Variants in GRIN2A observed in about 807,000 individuals in gnomAD.
GRIN2A encodes glutamate receptor ionotropic, NMDA 2A.
In GRIN2A, 22 loss-of-function variants were observed where a neutral mutation model predicts 113.4. The observed-to-expected ratio is 0.19, with a 90% CI of 0.14 to 0.28. The LOEUF is 0.28. Among genes scored for constraint, GRIN2A ranks in the 10% least tolerant of loss-of-function variants. The probability of loss-of-function intolerance (pLI) is 1.00; values close to 1 mark genes in which losing one functional copy is unlikely to be tolerated. For missense variants in GRIN2A, 1,502 were observed against 1,887.0 expected (o/e 0.80, Z 3.78); for synonymous variants, 827 against 738.4 (o/e 1.12, Z -1.94).
chr16:10,132,562 C>T (rs1250691031), intron 2 of GRIN2A, among the ~76,000 whole-genome samples: 1 of 152,174 alleles, frequency 6.6e-6, no homozygotes, highest in Non-Finnish European at 1.5e-5. Flanking sequence ...TGACATTTAT[C>T]ATGCAAGAGC....
chr16:9,834,219 C>A lies in GRIN2A; in HGVS notation c.1663G>T (p.Ala555Ser), dbSNP rs2042547937. 6.2e-7 allele frequency: 1 copy of A among 1,613,852 alleles called. No homozygotes were observed. The highest frequency in any genetic ancestry group is 8.5e-7 in the Non-Finnish European group (1 of 1,179,824). ...SPSAFLEPFSASVWVMMFVML... is the reference protein window; with the variant it reads ...SPSAFLEPFSSSVWVMMFVML... ...ACAAACATCATCACCCAGACAGAGGCGCTGAATGGTTCTGCAAATAAACAG... is the reference window on the plus strand; with the variant it reads ...ACAAACATCATCACCCAGACAGAGGAGCTGAATGGTTCTGCAAATAAACAG... Residue 555 changes from alanine (A) to serine (S), a missense_variant, in exon 8 of 13, where the codon GCC becomes TCC. Coordinates refer to ENST00000330684, the MANE Select transcript of GRIN2A (RefSeq NM_001134407.3).
chr16:9,918,097 A>T (rs1311057481), intron 3 of GRIN2A, among the ~76,000 whole-genome samples: 1 of 152,128 alleles, frequency 6.6e-6, no homozygotes, highest in Non-Finnish European at 1.5e-5. Context: ...AATTCTCACA[A>T]ACTCCCCCAC....
At chr16:9,910,180 C>T (rs569128798) in intron 3 of GRIN2A, among the ~76,000 whole-genome samples, 1 of 151,728 alleles carries the variant, frequency 6.6e-6, no homozygotes, top group Non-Finnish European at 1.5e-5. Flanking sequence ...ACAAGTTTTT[C>T]AGTTTTTGTT....
intron 2 of GRIN2A, among the ~76,000 whole-genome samples, chr16:10,056,149 C>G (rs2047453821): frequency 6.6e-6 from 1 of 152,202 alleles, no homozygotes; most frequent in Non-Finnish European, 1.5e-5. Flanking sequence ...AATGCAGTGT[C>G]ATACTAATAA....
At chr16:9,919,511 A>G (rs992008574) in intron 3 of GRIN2A, among the ~76,000 whole-genome samples, 2 of 152,178 alleles carry the variant, frequency 1.3e-5, no homozygotes, top group African/African-American at 4.8e-5. Context: ...CAAGGCCTGC[A>G]TGGTAAGGAG....
intron 10 of GRIN2A, among the ~76,000 whole-genome samples, chr16:9,806,973 A>G (rs1421009265): frequency 6.6e-6 from 1 of 151,482 alleles, no homozygotes. Context: ...GGTAGTGAAT[A>G]AGTCTCATGA....
intron 2 of GRIN2A, among the ~76,000 whole-genome samples, chr16:10,139,343 A>C (rs537503496): frequency 2.3e-4 from 35 of 152,230 alleles, no homozygotes; most frequent in African/African-American, 8.4e-4. Context: ...GGGAGAGGAG[A>C]GGGAAATGTC....
chr16:9,777,462 T>G (rs1461694771), intron 11 of GRIN2A, among the ~76,000 whole-genome samples: 1 of 152,190 alleles, frequency 6.6e-6, no homozygotes, highest in Non-Finnish European at 1.5e-5. Context: ...AGATTGAATT[T>G]GGGAGATAAA....
intron 2 of GRIN2A, among the ~76,000 whole-genome samples, chr16:10,028,387 G>A (rs1034840528): frequency 1.3e-5 from 2 of 152,174 alleles, no homozygotes; most frequent in East Asian, 1.9e-4. Context: ...TGGCACTGTC[G>A]CTGGGAGGCA....
At chr16:9,880,795 T>C (rs1249769285) in intron 4 of GRIN2A, among the ~76,000 whole-genome samples, 1 of 152,212 alleles carries the variant, frequency 6.6e-6, no homozygotes, top group African/African-American at 2.4e-5. Flanking sequence ...TCGTGAGACC[T>C]TGTTCAAACG....
intron 2 of GRIN2A, among the ~76,000 whole-genome samples, chr16:10,157,678 C>T (rs1312770314): frequency 1.3e-5 from 2 of 152,176 alleles, no homozygotes; most frequent in African/African-American, 4.8e-5. Context: ...CACTCACTAT[C>T]ATGAGAACAG....
At chr16:9,791,273 C>T (rs980891708) in intron 11 of GRIN2A, among the ~76,000 whole-genome samples, 6 of 152,028 alleles carry the variant, frequency 3.9e-5, no homozygotes, top group African/African-American at 1.4e-4. Flanking sequence ...GATGTCATAT[C>T]AGGAAATGGG....
intron 2 of GRIN2A, among the ~76,000 whole-genome samples, chr16:9,994,634 G>T (rs1171331169): frequency 1.3e-5 from 2 of 152,204 alleles, no homozygotes; most frequent in Admixed American, 6.5e-5. Flanking sequence ...AAATAGAAGA[G>T]AAGACCATGG....
intron 2 of GRIN2A, among the ~76,000 whole-genome samples, chr16:9,985,890 C>A (rs947047195): frequency 1.3e-5 from 2 of 152,030 alleles, no homozygotes; most frequent in Non-Finnish European, 2.9e-5. Context: ...GTGATGGATA[C>A]CCCATCTACT....
At chr16:9,829,894 C>T (rs185224291) in intron 8 of GRIN2A, among the ~76,000 whole-genome samples, 28 of 152,052 alleles carry the variant, frequency 1.8e-4, no homozygotes, top group Admixed American at 7.2e-4. Flanking sequence ...AGAAAGGAAA[C>T]GAAAATGGTT....
intron 2 of GRIN2A, among the ~76,000 whole-genome samples, chr16:10,113,580 G>A (rs958502605): frequency 2.6e-5 from 4 of 152,196 alleles, no homozygotes; most frequent in Non-Finnish European, 4.4e-5. Flanking sequence ...TAAATAATCA[G>A]AATAAATAAA....
intron 8 of GRIN2A, among the ~76,000 whole-genome samples, chr16:9,833,489 CA>C (rs1308394291): frequency 7.2e-5 from 11 of 152,178 alleles, no homozygotes; most frequent in African/African-American, 2.7e-4. Flanking sequence ...TAGCATTTGA[CA>C]AGCATTTTTT....
intron 2 of GRIN2A, among the ~76,000 whole-genome samples, chr16:9,965,541 A>T (rs564281559): frequency 6.6e-6 from 1 of 152,210 alleles, no homozygotes; most frequent in African/African-American, 2.4e-5. Flanking sequence ...ACCGATTTTG[A>T]TTCCACTTAA....
At chr16:9,901,554 G>A (rs2043924828) in intron 3 of GRIN2A, among the ~76,000 whole-genome samples, 2 of 152,078 alleles carry the variant, frequency 1.3e-5, no homozygotes, top group Admixed American at 6.5e-5. Context: ...CCACATCCCG[G>A]GTTCAAGTGA....
Sources: gnomAD v4.1 joint callset for allele counts (sites outside exome capture counted in the v4.1 genomes callset) on GRCh38, gnomAD v4.1.1 for gene constraint, MANE v1.5 for transcripts, NCBI Gene and HGNC (gene_info 2026-07-23, HGNC 2026-07-21) for gene names.